Variants in CRYGN observed in about 807,000 individuals in gnomAD.
CRYGN encodes crystallin gamma N, also known as gamma-crystallin N.
CRYGN carries 17 observed loss-of-function variants against 19.2 expected under a neutral mutation model. The observed-to-expected ratio is 0.89, with a 90% CI of 0.61 to 1.33. The LOEUF (loss-of-function observed/expected upper bound fraction) is 1.33, where lower values mean the gene tolerates loss of function less well. Ranked by LOEUF, CRYGN falls within the 40% of genes most tolerant of loss-of-function variation. CRYGN has a pLI of 0.00. For synonymous variants in CRYGN, 84 were observed against 85.8 expected, an observed-to-expected ratio of 0.98 and a Z score of 0.12; for missense variants, 239 against 239.6, an observed-to-expected ratio of 1.00 and a Z score of 0.02.
intron 1 of CRYGN, 87 bp from the exon 2 acceptor site, chr7:151,438,331 T>C (rs1319050539): frequency 7.2e-7 from 1 of 1,382,928 alleles, no homozygotes; most frequent in Non-Finnish European, 9.8e-7. Context: ...ACACCCTGGA[T>C]GGAACCCCTA....
rs554921601 is a variant in CRYGN at position 151,436,660 on chromosome 7, G to A, written c.271-335C>T. 1.6e-3 allele frequency among the ~76,000 whole-genome samples: 237 copies of A among 152,292 alleles called. 5 individuals are homozygous for A. The highest frequency in any genetic ancestry group is 5.2e-3 in the African/African-American group (217 of 41,570). ...TGGGGTCACGGGGCTCCCTCTGGGT[G>A]CTCAGCGTGGGGGACTCCGGCCCTG... On this transcript the variant is annotated intron_variant, in intron 2 of 3. Coordinates refer to ENST00000337323, the MANE Select transcript of CRYGN (RefSeq NM_144727.3). This position sits in a 1 kb window ranked among gnomAD's most constrained non-coding sequence, Gnocchi z 5.1.
rs1411362036 is a variant in CRYGN, at chr7:151,439,981, C to G, written c.-64G>C. On this transcript the variant is annotated 5_prime_UTR_variant, in exon 1 of 4. Transcript: ENST00000337323. Reference sequence around the variant, plus strand: ...GGGCAGCGCCCTGCTGGCTCAGCGCCGCCCCGGACAAAAGATTTGCTGGGC... The same window carrying G: ...GGGCAGCGCCCTGCTGGCTCAGCGCGGCCCCGGACAAAAGATTTGCTGGGC... The G allele has an allele frequency of 2.7e-6, 4 of 1,454,768 alleles. No homozygotes were observed. Among genetic ancestry groups the G allele is most frequent in the Non-Finnish European group, 3.6e-6 (4 of 1,100,108 alleles). The allele number at this position is 1,454,768 out of a possible 1,614,324, so 90.1% of individuals were successfully genotyped here. A position where few individuals can be genotyped will look rare whatever the true frequency, so the allele number is the denominator to read the frequency against.
Position 151,430,792 on chromosome 7 carries a change from G to C in CRYGN, c.417-612C>G, listed in dbSNP as rs1001642513. Among the ~76,000 whole-genome samples the C allele has an allele frequency of 1.3e-5, 2 of 152,198 alleles. No individual in the cohort carries two copies. Among genetic ancestry groups the C allele is most frequent in the African/African-American group, 4.8e-5 (2 of 41,430 alleles). ...TCAGAAAACTGGAGTAAGATGTATG[G>C]TGAGGAGGACCCGGGAACTGAGAGG... is the stretch of plus-strand genomic sequence containing the variant. On this transcript the variant is annotated intron_variant, in intron 3 of 3. Coordinates refer to ENST00000337323, the MANE Select transcript of CRYGN (RefSeq NM_144727.3). This position sits in a 1 kb window ranked among gnomAD's most constrained non-coding sequence, Gnocchi z 5.2.
chr7:151,433,218 G>A lies in CRYGN; in HGVS notation c.416+2962C>T, dbSNP rs1176112687. ...AGCCTGGAGGACCTCGGGCTGGTGGGGGCAGGAGAGAACACAGCTCTTCAT... is the reference window on the plus strand; with the variant it reads ...AGCCTGGAGGACCTCGGGCTGGTGGAGGCAGGAGAGAACACAGCTCTTCAT... On this transcript the variant is annotated intron_variant, in intron 3 of 3. Transcript: ENST00000337323. This position sits in a 1 kb window ranked among gnomAD's most constrained non-coding sequence, Gnocchi z 5.1. Among the ~76,000 whole-genome samples the A allele has an allele frequency of 6.6e-6, 1 of 152,240 alleles. No homozygotes were observed. The highest frequency in any genetic ancestry group is 1.5e-5 in the Non-Finnish European group (1 of 68,036).
chr7:151,438,956 T>G (rs1448787768), intron 1 of CRYGN: 6 of 152,186 alleles, frequency 3.9e-5, no homozygotes, highest in African/African-American at 1.4e-4. Flanking sequence ...CAAAACAAAG[T>G]GAAGCAATAA....
At position 151,435,410 on chromosome 7, in the gene CRYGN, T is replaced by C. The variant is rs1039277524; in HGVS notation, c.416+770A>G. Among the ~76,000 whole-genome samples the C allele has an allele frequency of 3.9e-5, 6 of 152,172 alleles. No individual in the cohort carries two copies. Among genetic ancestry groups the C allele is most frequent in the Non-Finnish European group, 8.8e-5 (6 of 68,036 alleles). On this transcript the variant is annotated intron_variant, in intron 3 of 3. Coordinates refer to ENST00000337323, the MANE Select transcript of CRYGN (RefSeq NM_144727.3). This position sits in a 1 kb window ranked among gnomAD's most constrained non-coding sequence, Gnocchi z 4.2. ...TTTGTAGAACGGGGGCGATAATATC[T>C]ACCTGACCTAGAGGTGTGGGCTGGA...
In CRYGN at chr7:151,440,125, C is replaced by T. The variant is rs1408353200; in HGVS notation, c.-208G>A. On this transcript the variant is annotated 5_prime_UTR_variant, in exon 1 of 4. Coordinates refer to ENST00000337323, the MANE Select transcript of CRYGN (RefSeq NM_144727.3). ...GCAGCCCGCCCTGCCCGGGGTCTCC[C>T]TGTGCTCTCCGCGTTTAGCTCCCGA... The T allele has an allele frequency of 2.2e-6, 3 of 1,346,816 alleles. No homozygotes were observed. The highest frequency in any genetic ancestry group is 6.1e-5 in the East Asian group (2 of 32,742). The allele number at this position is 1,346,816 out of a possible 1,614,324, so 83.4% of individuals were successfully genotyped here.
chr7:151,439,926 C>A lies in CRYGN; in HGVS notation c.-9G>T. The A allele has an allele frequency of 6.5e-7, 1 of 1,538,138 alleles. No individual in the cohort carries two copies. Among genetic ancestry groups the A allele is most frequent in the East Asian group, 2.4e-5 (1 of 41,262 alleles). On this transcript the variant is annotated 5_prime_UTR_variant, in exon 1 of 4. Transcript: ENST00000337323. ...CCCGAGCGCTGCGCCATGGTGCGCC[C>A]CGCCCCTTCCGCGGGTCCCCGTTTA...
At chr7:151,438,275 C>A in intron 1 of CRYGN, 31 bp from the exon 2 acceptor site, 1 of 1,581,758 alleles carries the variant, frequency 6.3e-7, no homozygotes, top group South Asian at 1.1e-5. Flanking sequence ...AGCTCAGGGT[C>A]AGGGGCTTCT....
In CRYGN at chr7:151,429,431, CAGAACAGGGTCTG is replaced by C. The variant is rs1801417148; in HGVS notation, c.*604_*616del. Reference sequence around the variant, plus strand: ...AGCAGACATGATTGCACTCATTTCACAGAACAGGGTCTGAGGCCTGGAGAGGCTTTGGGTTTGC... The same window carrying C: ...AGCAGACATGATTGCACTCATTTCACAGGCCTGGAGAGGCTTTGGGTTTGC... On this transcript the variant is annotated 3_prime_UTR_variant, in exon 4 of 4. Coordinates refer to ENST00000337323, the MANE Select transcript of CRYGN (RefSeq NM_144727.3). The C allele has an allele frequency of 6.2e-6, 1 of 160,036 alleles. No homozygotes were observed. Among genetic ancestry groups the C allele is most frequent in the Non-Finnish European group, 1.4e-5 (1 of 72,064 alleles). The allele number at this position is 160,036 out of a possible 1,614,324, so 9.9% of individuals were successfully genotyped here.
chr7:151,436,399 A>G lies in CRYGN; in HGVS notation c.271-74T>C. 1 of 1,414,088 alleles carries G rather than the reference A, an allele frequency of 7.1e-7. No individual in the cohort carries two copies. The highest frequency in any genetic ancestry group is 9.4e-7 in the Non-Finnish European group (1 of 1,063,770). 87.6% of individuals were successfully genotyped at this position (1,414,088 alleles called of 1,614,324 possible). ...CCCCTCTCCCAGAAACAGAAGCCCC[A>G]TGCAGGAAGGAATTAGGAGGTACCC... is the stretch of plus-strand genomic sequence containing the variant. On this transcript the variant is annotated intron_variant, in intron 2 of 3. Coordinates refer to ENST00000337323, the MANE Select transcript of CRYGN (RefSeq NM_144727.3). The surrounding 1 kb of genome is among the most constrained non-coding windows in gnomAD (Gnocchi z 5.1).
In CRYGN at chr7:151,431,105, G is replaced by A. The variant is rs1016585255; in HGVS notation, c.417-925C>T. On this transcript the variant is annotated intron_variant, in intron 3 of 3. Transcript: ENST00000337323. This position sits in a 1 kb window ranked among gnomAD's most constrained non-coding sequence, Gnocchi z 4.8. The stretch of plus-strand genomic sequence containing the variant: ...AGCACTCCATCTGTTGCCTCCTTCT[G>A]GGGTGGGCTATGGTTTCCTCACAGG... Among the ~76,000 whole-genome samples, 17 of 152,166 alleles carry A rather than the reference G, an allele frequency of 1.1e-4. No individual in the cohort carries two copies. The highest frequency in any genetic ancestry group is 3.6e-4 in the African/African-American group (15 of 41,430).
In CRYGN at chr7:151,429,464, G is replaced by C. The variant is rs1288435224; in HGVS notation, c.*584C>G. 1 of 164,118 alleles carries C rather than the reference G, an allele frequency of 6.1e-6. No homozygotes were observed. The highest frequency in any genetic ancestry group is 5.5e-5 in the Admixed American group (1 of 18,038). The allele number at this position is 164,118 out of a possible 1,614,324, so 10.2% of individuals were successfully genotyped here. A position where few individuals can be genotyped will look rare whatever the true frequency, so the allele number is the denominator to read the frequency against. On this transcript the variant is annotated 3_prime_UTR_variant, in exon 4 of 4. Coordinates refer to ENST00000337323, the MANE Select transcript of CRYGN (RefSeq NM_144727.3). ...GGTCTGAGGCCTGGAGAGGCTTTGG[G>C]TTTGCGCCAAATTCATGACAAAAAT... is the stretch of plus-strand genomic sequence containing the variant.
Position 151,435,943 on chromosome 7 carries a change from G to A in CRYGN, c.416+237C>T, listed in dbSNP as rs1801591179. ...GGGAAGGTCTCAGGGTGCCTCTGGGGCCCAGAGTCCCTCTCTGAGGCCCTT... is the reference window on the plus strand; with the variant it reads ...GGGAAGGTCTCAGGGTGCCTCTGGGACCCAGAGTCCCTCTCTGAGGCCCTT... On this transcript the variant is annotated intron_variant, in intron 3 of 3. Coordinates refer to ENST00000337323, the MANE Select transcript of CRYGN (RefSeq NM_144727.3). This position sits in a 1 kb window ranked among gnomAD's most constrained non-coding sequence, Gnocchi z 4.2. 6.6e-6 allele frequency among the ~76,000 whole-genome samples: 1 copy of A among 152,254 alleles called. No homozygotes were observed. Among genetic ancestry groups the A allele is most frequent in the East Asian group, 1.9e-4 (1 of 5,164 alleles).
In CRYGN at chr7:151,430,588, C is replaced by G. The variant is rs779390286; in HGVS notation, c.417-408G>C. On this transcript the variant is annotated intron_variant, in intron 3 of 3. Transcript: ENST00000337323. This position sits in a 1 kb window ranked among gnomAD's most constrained non-coding sequence, Gnocchi z 5.2. ...TCAGCCCCTGAGATTTTGTTTTTCT[C>G]TCGGGAACCCTGTGTTCCCTCGCTG... Among the ~76,000 whole-genome samples the G allele has an allele frequency of 1.3e-5, 2 of 152,172 alleles. No homozygotes were observed. Among genetic ancestry groups the G allele is most frequent in the Non-Finnish European group, 1.5e-5 (1 of 68,030 alleles).
chr7:151,439,507 C>T (rs754325562), intron 1 of CRYGN, among the ~76,000 whole-genome samples: 25 of 152,134 alleles, frequency 1.6e-4, no homozygotes, highest in Non-Finnish European at 3.2e-4. Context: ...AGAACCAGCC[C>T]TAAGTGTCCC....
In CRYGN at chr7:151,432,434, T is replaced by TCC. The variant is rs2150906049; in HGVS notation, c.417-2256_417-2255dup. ...CTACACGAAGGCACCCACGGTGCCT[T>TCC]CCCCAGTGCCCTGTGGGGTCCATGC... On this transcript the variant is annotated intron_variant, in intron 3 of 3. Coordinates refer to ENST00000337323, the MANE Select transcript of CRYGN (RefSeq NM_144727.3). 3 of 408,160 alleles carry TCC rather than the reference T, an allele frequency of 7.4e-6. No homozygotes were observed. In the East Asian group the frequency reaches 1.1e-4, roughly 15 times the overall value. 25.3% of individuals were successfully genotyped at this position (408,160 alleles called of 1,614,324 possible). A position where few individuals can be genotyped will look rare whatever the true frequency, so the allele number is the denominator to read the frequency against.
rs1801410363 is a variant in CRYGN at position 151,429,116 on chromosome 7, T to G, written c.*932A>C. ...ACCGGTGGGGCCTGCAGTTCTCATTTCATTCCCCAGGCATTAATTGCCTAT... is the reference window on the plus strand; with the variant it reads ...ACCGGTGGGGCCTGCAGTTCTCATTGCATTCCCCAGGCATTAATTGCCTAT... On this transcript the variant is annotated 3_prime_UTR_variant, in exon 4 of 4. Coordinates refer to ENST00000337323, the MANE Select transcript of CRYGN (RefSeq NM_144727.3). 1 of 152,612 alleles carries G rather than the reference T, an allele frequency of 6.6e-6. No homozygotes were observed. Among genetic ancestry groups the G allele is most frequent in the Non-Finnish European group, 1.5e-5 (1 of 68,054 alleles). The allele number at this position is 152,612 out of a possible 1,614,324, so 9.5% of individuals were successfully genotyped here. A position where few individuals can be genotyped will look rare whatever the true frequency, so the allele number is the denominator to read the frequency against.
Position 151,435,593 on chromosome 7 carries a change from C to T in CRYGN, c.416+587G>A, listed in dbSNP as rs566639028. Among the ~76,000 whole-genome samples, 9 of 152,218 alleles carry T rather than the reference C, an allele frequency of 5.9e-5. No individual in the cohort carries two copies. In the East Asian group the frequency reaches 1.7e-3, roughly 30 times the overall value. ...CCCATCTGGGCCTGGGCAAAATTCC[C>T]CCAGCTACTTTCTGTCCAGGAGTGA... On this transcript the variant is annotated intron_variant, in intron 3 of 3. Coordinates refer to ENST00000337323, the MANE Select transcript of CRYGN (RefSeq NM_144727.3). The surrounding 1 kb of genome is among the most constrained non-coding windows in gnomAD (Gnocchi z 4.2).
Sources: allele counts gnomAD v4.1 joint callset (sites outside exome capture counted in the v4.1 genomes callset), GRCh38; gene constraint gnomAD v4.1.1; non-coding constraint Gnocchi (gnomAD v3.1); transcripts MANE v1.5; gene names NCBI Gene and HGNC (gene_info 2026-07-23, HGNC 2026-07-21).